SLC2A13: variants seen among roughly 807,000 people sequenced by gnomAD.
SLC2A13 encodes proton myo-inositol cotransporter.
In SLC2A13, 32 loss-of-function variants were observed where a neutral mutation model predicts 64.4. The ratio of observed to expected loss-of-function variants is 0.50; its 90% CI spans 0.37 to 0.67. SLC2A13 has a LOEUF of 0.67. Among genes scored for constraint, SLC2A13 ranks in the 30% least tolerant of loss-of-function variants. SLC2A13 has a pLI of 0.00. For synonymous variants in SLC2A13, 338 were observed against 327.1 expected (o/e 1.03, Z -0.36); for missense variants, 743 against 829.2 (o/e 0.90, Z 1.28).
chr12:39,895,316 C>T (rs1944715597), intron 4 of SLC2A13, among the ~76,000 whole-genome samples: 2 of 151,116 alleles, frequency 1.3e-5, no homozygotes, highest in Non-Finnish European at 3.0e-5. Context: ...CGGGGAAATC[C>T]CGTCTCTACT....
In SLC2A13 at chr12:39,764,555, C is replaced by T; in HGVS notation, c.1625G>A (p.Ser542Asn). 1 of 1,611,468 alleles carries T rather than the reference C, an allele frequency of 6.2e-7. No individual in the cohort carries two copies. Among genetic ancestry groups the T allele is most frequent in the Non-Finnish European group, 8.5e-7 (1 of 1,179,100 alleles). ...NSEIYPLWARSTGNACSSGIN... is the reference protein window; with the variant it reads ...NSEIYPLWARNTGNACSSGIN... ...TCCAGATGAACATGCATTTCCTGTA[C>T]TTCTTGCCCAAAGGGGATATATTTC... Residue 542 changes from serine (S) to asparagine (N), a missense_variant, in exon 9 of 10, where the codon AGT becomes AAT. This residue lies in a region of SLC2A13 where 295 missense variants were observed against 381.7 expected (regional missense o/e 0.77). Coordinates refer to ENST00000280871, the MANE Select transcript of SLC2A13 (RefSeq NM_052885.4).
rs899304319 is a variant in SLC2A13, at chr12:40,016,856, G to A, written c.925+11445C>T. On this transcript the variant is annotated intron_variant, in intron 3 of 9. Transcript: ENST00000280871. ...TTGATGTCAAAAAATAAGTTTTTTCGATGGGCCCAACATGTTAGCAACTAG... is the reference window on the plus strand; with the variant it reads ...TTGATGTCAAAAAATAAGTTTTTTCAATGGGCCCAACATGTTAGCAACTAG... Among the ~76,000 whole-genome samples, 7 of 151,902 alleles carry A rather than the reference G, an allele frequency of 4.6e-5. No individual in the cohort carries two copies. In the East Asian group the frequency reaches 9.6e-4, roughly 21 times the overall value.
intron 1 of SLC2A13, among the ~76,000 whole-genome samples, chr12:40,073,296 A>C (rs1040155593): frequency 1.3e-5 from 2 of 152,098 alleles, no homozygotes; most frequent in Non-Finnish European, 2.9e-5. Flanking sequence ...TATGTAACAG[A>C]AACCTCCAAA....
At chr12:39,900,592 C>T (rs566733820) in intron 4 of SLC2A13, among the ~76,000 whole-genome samples, 2,212 of 152,214 alleles carry the variant, frequency 0.015, 61 homozygotes, top group African/African-American at 0.048. Context: ...TTCACAATTG[C>T]TTCAAAGAGA....
intron 3 of SLC2A13, among the ~76,000 whole-genome samples, chr12:39,967,306 C>T (rs1477754868): frequency 6.6e-6 from 1 of 152,160 alleles, no homozygotes; most frequent in Admixed American, 6.5e-5. Flanking sequence ...CCTAGCCTTG[C>T]TATTCAACTT....
Position 39,793,804 on chromosome 12 carries a change from C to G in SLC2A13, c.1446-28946G>C, listed in dbSNP as rs150597404. ...ATGCATAATTTCTAGGGTCATTAAT[C>G]TAAGCAGTGACATAATTTCAAAATA... On this transcript the variant is annotated intron_variant, in intron 7 of 9. Transcript: ENST00000280871. Among the ~76,000 whole-genome samples the G allele has an allele frequency of 7.0e-3, 1,065 of 152,158 alleles. 17 individuals carry two copies. The highest frequency in any genetic ancestry group is 0.024 in the African/African-American group (1,001 of 41,518).
chr12:39,854,726 C>T (rs1191529595), intron 6 of SLC2A13, among the ~76,000 whole-genome samples: 1 of 152,154 alleles, frequency 6.6e-6, no homozygotes, highest in Non-Finnish European at 1.5e-5. Flanking sequence ...AAGCCTTGAC[C>T]TAGTATCCAA....
At chr12:39,996,597 C>A (rs1420164904) in intron 3 of SLC2A13, among the ~76,000 whole-genome samples, 2 of 152,200 alleles carry the variant, frequency 1.3e-5, no homozygotes, top group African/African-American at 4.8e-5. Flanking sequence ...GGGCCCCCCG[C>A]CCCATGCAGT....
chr12:40,030,095 A>G (rs1189836634), intron 2 of SLC2A13, among the ~76,000 whole-genome samples: 1 of 152,230 alleles, frequency 6.6e-6, no homozygotes. Flanking sequence ...AACTTTCTAC[A>G]TTAACTAACC....
chr12:40,009,057 T>A (rs1565588038), intron 3 of SLC2A13, among the ~76,000 whole-genome samples: 1 of 152,182 alleles, frequency 6.6e-6, no homozygotes, highest in Non-Finnish European at 1.5e-5. Context: ...ACAAGTAACT[T>A]AATAATACAT....
chr12:39,909,070 A>G (rs1327067755), intron 4 of SLC2A13, among the ~76,000 whole-genome samples: 3 of 152,052 alleles, frequency 2.0e-5, no homozygotes, highest in Non-Finnish European at 4.4e-5. Context: ...CAAGGAATAC[A>G]GTGACATATA....
At chr12:40,000,826 C>T (rs1947310958) in intron 3 of SLC2A13, among the ~76,000 whole-genome samples, 1 of 152,176 alleles carries the variant, frequency 6.6e-6, no homozygotes, top group Admixed American at 6.6e-5. Context: ...TTATAAGGAA[C>T]TGGGGGTTAG....
At position 40,106,078 on chromosome 12, in the gene SLC2A13, G is replaced by C. The variant is rs910175727; in HGVS notation, c.-270C>G. ...GCCTGCCGAGCTGGCGCTGCGGAGC[G>C]GGCGGGAGGCGGGACCGCGGGTCAC... On this transcript the variant is annotated 5_prime_UTR_variant, in exon 1 of 10. Coordinates refer to ENST00000280871, the MANE Select transcript of SLC2A13 (RefSeq NM_052885.4). The C allele has an allele frequency of 3.1e-6, 1 of 317,618 alleles. No individual in the cohort carries two copies. Among genetic ancestry groups the C allele is most frequent in the Non-Finnish European group, 5.6e-6 (1 of 178,066 alleles). The allele number at this position is 317,618 out of a possible 1,614,324, so 19.7% of individuals were successfully genotyped here.
chr12:39,962,017 A>C, intron 3 of SLC2A13, among the ~76,000 whole-genome samples: 1 of 152,200 alleles, frequency 6.6e-6, no homozygotes, highest in East Asian at 1.9e-4. Context: ...AAAGCAATGA[A>C]TTTTATCAAA....
chr12:39,834,032 G>T (rs1224360843), intron 6 of SLC2A13, among the ~76,000 whole-genome samples: 2 of 152,008 alleles, frequency 1.3e-5, no homozygotes, highest in South Asian at 2.1e-4. Flanking sequence ...TTCTTCCCAG[G>T]TTATTACTAT....
At chr12:39,829,938 A>G (rs1397419705) in intron 7 of SLC2A13, 165 bp downstream of exon 7, 3 of 875,956 alleles carry the variant, frequency 3.4e-6, no homozygotes, top group African/African-American at 3.4e-5. Flanking sequence ...GAAACACACA[A>G]TTGCAATGCT....
At chr12:39,806,485 C>G (rs1327618652) in intron 7 of SLC2A13, among the ~76,000 whole-genome samples, 1 of 152,148 alleles carries the variant, frequency 6.6e-6, no homozygotes, top group Non-Finnish European at 1.5e-5. Context: ...AGAAGTCACA[C>G]AGGCTTCTAT....
intron 1 of SLC2A13, among the ~76,000 whole-genome samples, chr12:40,104,274 A>G (rs1466905614): frequency 6.6e-6 from 1 of 152,236 alleles, no homozygotes; most frequent in African/African-American, 2.4e-5. Context: ...GTGAGATTTA[A>G]GTCACAGCCC....
In SLC2A13 at chr12:40,105,161, C is replaced by A. The variant is rs1183031076; in HGVS notation, c.556+92G>T. ...GATTCTCTGACCCTGGGAGACCAGA[C>A]GGGGACCCCGATGGGCAAGAGGCAC... On this transcript the variant is annotated intron_variant, in intron 1 of 9. Transcript: ENST00000280871. This position sits in a 1 kb window ranked among gnomAD's most constrained non-coding sequence, Gnocchi z 4.2. 1 of 1,419,424 alleles carries A rather than the reference C, an allele frequency of 7.0e-7. No homozygotes were observed. The highest frequency in any genetic ancestry group is 1.5e-5 in the South Asian group (1 of 66,744). 87.9% of individuals were successfully genotyped at this position (1,419,424 alleles called of 1,614,324 possible).
Sources: gnomAD v4.1 joint callset for allele counts (sites outside exome capture counted in the v4.1 genomes callset) on GRCh38, gnomAD v4.1.1 for gene constraint, gnomAD v4.1.1 regional missense constraint, Gnocchi (gnomAD v3.1) non-coding constraint, MANE v1.5 for transcripts, NCBI Gene and HGNC (gene_info 2026-07-23, HGNC 2026-07-21) for gene names.